The following MIS18A variants were observed in gnomAD, a reference collection of about 807,000 sequenced individuals.
The protein encoded by MIS18A is MIS18 kinetochore protein A.
A neutral mutation model predicts 25.0 loss-of-function variants in MIS18A; 14 were observed. The observed-to-expected ratio is 0.56, with a 90% CI of 0.37 to 0.88. The LOEUF (loss-of-function observed/expected upper bound fraction) is 0.88, where lower values mean the gene tolerates loss of function less well. Ranked by LOEUF, MIS18A falls within the 40% of genes least tolerant of loss-of-function variation. The pLI is 0.00. For missense variants in MIS18A, 292 were observed against 290.8 expected (o/e 1.00, Z -0.03); for synonymous variants, 134 against 118.6 (o/e 1.13, Z -0.84).
chr21:32,262,072 T>C, the MIS18A span, among the ~76,000 whole-genome samples: 1 of 152,224 alleles, frequency 6.6e-6, no homozygotes, highest in African/African-American at 2.4e-5. Flanking sequence ...AGGAAGGCAC[T>C]AGGTCTGCTT....
At chr21:32,218,192 CAAAA>C in the MIS18A span, among the ~76,000 whole-genome samples, 2 of 56,374 alleles carry the variant, frequency 3.5e-5, no homozygotes, top group Admixed American at 2.2e-4. Context: ...GACTCCATCT[CAAAA>C]AAAAAAAAAA....
rs1216991691 is a variant in MIS18A, at chr21:32,272,867, GA to G, written c.401+1962del. Among the ~76,000 whole-genome samples, 10 of 152,218 alleles carry G rather than the reference GA, an allele frequency of 6.6e-5. No homozygotes were observed. In the East Asian group the frequency reaches 1.9e-3, roughly 29 times the overall value. ...AGAGCTAGAGCTAGAAAGTGGAGAA[GA>G]AAGAGCACTTCGAAGGCAGTAAGGA... On this transcript the variant is annotated intron_variant, in intron 2 of 4. Transcript: ENST00000290130.
At chr21:32,199,018 C>T in the MIS18A span, among the ~76,000 whole-genome samples, 1 of 151,956 alleles carries the variant, frequency 6.6e-6, no homozygotes, top group Admixed American at 6.6e-5. Context: ...TTCATATGCA[C>T]ATTAAGGTCA....
the MIS18A span, among the ~76,000 whole-genome samples, chr21:32,198,626 G>A: frequency 6.6e-6 from 1 of 152,248 alleles, no homozygotes; most frequent in African/African-American, 2.4e-5. Flanking sequence ...GATACTCACA[G>A]TGGAAGAGTG....
the MIS18A span, among the ~76,000 whole-genome samples, chr21:32,175,812 A>AAC: frequency 1.1e-4 from 17 of 151,084 alleles, no homozygotes; most frequent in African/African-American, 3.7e-4. Context: ...TCCATCTCAA[A>AAC]AAAAACAAAA....
intron 2 of MIS18A, among the ~76,000 whole-genome samples, chr21:32,274,174 T>C (rs1053354914): frequency 1.3e-5 from 2 of 151,192 alleles, no homozygotes; most frequent in African/African-American, 2.4e-5. Context: ...TGAGATTTTA[T>C]AATATAGGTA....
At chr21:32,271,642 C>T (rs1229537212) in intron 2 of MIS18A, among the ~76,000 whole-genome samples, 1 of 152,148 alleles carries the variant, frequency 6.6e-6, no homozygotes, top group South Asian at 2.1e-4. Context: ...GAAATAGTCT[C>T]GCTATGTTGC....
chr21:32,254,094 G>A, the MIS18A span, among the ~76,000 whole-genome samples: 2 of 152,116 alleles, frequency 1.3e-5, no homozygotes, highest in African/African-American at 2.4e-5. Flanking sequence ...AGCCGAGTGT[G>A]GTGGTGTGTG....
At chr21:32,233,399 GA>G in the MIS18A span, among the ~76,000 whole-genome samples, 1 of 152,196 alleles carries the variant, frequency 6.6e-6, no homozygotes, top group African/African-American at 2.4e-5. Context: ...TCTACACTTT[GA>G]GGGTTTGCCA....
At chr21:32,241,947 C>A in the MIS18A span, among the ~76,000 whole-genome samples, 2 of 152,172 alleles carry the variant, frequency 1.3e-5, no homozygotes, top group Admixed American at 6.5e-5. Context: ...GGCGCCATCT[C>A]GGCTCACTGC....
chr21:32,263,555 C>T (rs1601070266), downstream of MIS18A, among the ~76,000 whole-genome samples: 1 of 152,142 alleles, frequency 6.6e-6, no homozygotes, highest in African/African-American at 2.4e-5. Context: ...GAGCCCAGAT[C>T]GTGCCACTGC....
chr21:32,227,809 A>T, the MIS18A span, among the ~76,000 whole-genome samples: 1 of 152,252 alleles, frequency 6.6e-6, no homozygotes, highest in Admixed American at 6.5e-5. Flanking sequence ...ACATACTATT[A>T]GTAAACCAAA....
At chr21:32,253,112 T>A in the MIS18A span, among the ~76,000 whole-genome samples, 8 of 152,282 alleles carry the variant, frequency 5.3e-5, no homozygotes, top group African/African-American at 1.9e-4. Context: ...AAGGGTGGGA[T>A]GCGCTTTAGG....
At chr21:32,264,431 ACT>A (rs748652908), downstream of MIS18A, among the ~76,000 whole-genome samples, 2 of 152,220 alleles carry the variant, frequency 1.3e-5, no homozygotes, top group East Asian at 3.9e-4. Context: ...AATCAGATTG[ACT>A]CTATTTAAAT....
At chr21:32,233,374 G>A in the MIS18A span, among the ~76,000 whole-genome samples, 25 of 151,820 alleles carry the variant, frequency 1.6e-4, no homozygotes, top group African/African-American at 5.3e-4. Context: ...TAATTGTACC[G>A]TGTAATCGTA....
At chr21:32,182,396 G>T in the MIS18A span, among the ~76,000 whole-genome samples, 18 of 132,396 alleles carry the variant, frequency 1.4e-4, no homozygotes, top group African/African-American at 4.6e-4. Context: ...CCTATGAACA[G>T]CATCCCCCCC....
intron 1 of MIS18A, among the ~76,000 whole-genome samples, chr21:32,276,460 CAAAAAA>C (rs558102501): frequency 6.9e-5 from 5 of 72,732 alleles, no homozygotes; most frequent in African/African-American, 9.4e-5. Flanking sequence ...GACTCTGTCT[CAAAAAA>C]AAAAAAAAAA....
chr21:32,155,206 A>G, the MIS18A span, among the ~76,000 whole-genome samples: 1 of 152,220 alleles, frequency 6.6e-6, no homozygotes, highest in African/African-American at 2.4e-5. Context: ...ATAATAGTTT[A>G]GAAGACAAGC....
chr21:32,170,718 T>G, the MIS18A span, among the ~76,000 whole-genome samples: 9 of 152,020 alleles, frequency 5.9e-5, no homozygotes, highest in Non-Finnish European at 1.3e-4. Flanking sequence ...ATAGAATAGA[T>G]ATAGAATAAT....
Sources: gnomAD v4.1 joint callset for allele counts (sites outside exome capture counted in the v4.1 genomes callset) on GRCh38, gnomAD v4.1.1 for gene constraint, MANE v1.5 for transcripts, NCBI Gene and HGNC (gene_info 2026-07-23, HGNC 2026-07-21) for gene names.